The following TTN variants were observed in gnomAD, a reference collection of about 807,000 sequenced individuals.
TTN encodes the protein titin.
Under a neutral mutation model 3,223.0 loss-of-function variants are expected in TTN, and 1,525 were observed. The ratio of observed to expected loss-of-function variants is 0.47; its 90% CI spans 0.45 to 0.49. TTN has a LOEUF of 0.49. TTN is among the 20% of genes least tolerant of loss of function. TTN has a pLI of 0.00. For missense variants in TTN, 40,786 were observed against 43,424.0 expected, an observed-to-expected ratio of 0.94 and a Z score of 5.40; for synonymous variants, 14,094 against 15,161.0, an observed-to-expected ratio of 0.93 and a Z score of 5.17.
At chr2:178,629,207 G>A in intron 240 of TTN, 94 bp downstream of exon 240, 1 of 1,455,540 alleles carries the variant, frequency 6.9e-7, no homozygotes, top group Non-Finnish European at 9.2e-7. Context: ...CAGAGGAAGA[G>A]ACATTAGAAA....
At position 178,534,947 on chromosome 2, in the gene TTN, T is replaced by G. The variant is rs754298968; in HGVS notation, c.101668A>C (p.Met33890Leu). The part of the protein sequence containing the change: ...ESFESMEELV[M>L]IFEFISGLDI... Reference sequence around the variant, plus strand: ...AGTCCTGATATAAACTCAAAGATCATAACTAATTCTTCCATGCTTTCAAAT... The same window carrying G: ...AGTCCTGATATAAACTCAAAGATCAGAACTAATTCTTCCATGCTTTCAAAT... Residue 33890 changes from methionine to leucine, a missense_variant, in exon 358 of 363, where the codon ATG (methionine) becomes CTG (leucine). By Grantham distance (15) the Met-to-Leu change is conservative. Transcript: ENST00000589042. 4 of 1,612,706 alleles carry G rather than the reference T, an allele frequency of 2.5e-6. No individual in the cohort carries two copies. The African/African-American group carries it at 5.3e-5, about 21-fold the overall frequency.
chr2:178,552,316 T>C lies in TTN; in HGVS notation c.90584A>G (p.Lys30195Arg), dbSNP rs1699777024. Reference sequence around the variant, plus strand: ...AGTGTATTTTCCTCCATGCTCCTTCTTGGCATTCTTAATACTCAAAGTAAT... The same window carrying C: ...AGTGTATTTTCCTCCATGCTCCTTCCTGGCATTCTTAATACTCAAAGTAAT... ...NKITLSIKNA[K>R]KEHGGKYTVI... Residue 30195 changes from lysine to arginine, a missense_variant, in exon 335 of 363, where the codon AAG becomes AGG. Physicochemically the swap from Lys to Arg is conservative, Grantham distance 26. Coordinates refer to ENST00000589042, the MANE Select transcript of TTN (RefSeq NM_001267550.2). 1.9e-6 allele frequency: 3 copies of C among 1,610,868 alleles called. No individual in the cohort carries two copies. The highest frequency in any genetic ancestry group is 1.1e-5 in the South Asian group (1 of 90,186).
chr2:178,609,862 A>T lies in TTN; in HGVS notation c.51561T>A (p.Ile17187=). The stretch of plus-strand genomic sequence containing the variant: ...TCTTCCACCTTTCTTCACCCTTAGC[A>T]ATCTTCTCTATGATGTAGCCCATTA... ...SKIMGYIIEK[I]AKGEERWKRC... The change falls in exon 272 of 363, where the codon ATT becomes ATA. Residue 17187 remains isoleucine (I), a synonymous_variant. Transcript: ENST00000589042. The T allele has an allele frequency of 1.2e-6, 2 of 1,612,968 alleles. No individual in the cohort carries two copies. Among genetic ancestry groups the T allele is most frequent in the Non-Finnish European group, 8.5e-7 (1 of 1,179,274 alleles).
At chr2:178,678,023 A>G (rs1264333850) in intron 145 of TTN, 102 bp downstream of exon 145, 2 of 1,555,556 alleles carry the variant, frequency 1.3e-6, no homozygotes, top group Non-Finnish European at 1.7e-6. Context: ...CAAAGCATCA[A>G]TTATTATCAA....
In TTN at chr2:178,561,250, T is replaced by C; in HGVS notation, c.84882A>G (p.Leu28294=). 6.2e-7 allele frequency: 1 copy of C among 1,613,762 alleles called. No individual in the cohort carries two copies. Among genetic ancestry groups the C allele is most frequent in the Non-Finnish European group, 8.5e-7 (1 of 1,179,802 alleles). The change falls in exon 326 of 363, where the codon CTA becomes CTG. Residue 28294 remains leucine (L), a synonymous_variant. Transcript: ENST00000589042. ...ITGYIVERRE[L]PDGRWLKCNY... The stretch of plus-strand genomic sequence containing the variant: ...TGCACTTCAGCCACCGGCCATCTGG[T>C]AGTTCTCTGCGTTCAACAATGTATC...
In TTN at chr2:178,740,294, A is replaced by AT; in HGVS notation, c.12938dup (p.Asn4313LysfsTer11). 6.2e-7 allele frequency: 1 copy of AT among 1,613,620 alleles called. No individual in the cohort carries two copies. The highest frequency in any genetic ancestry group is 8.5e-7 in the Non-Finnish European group (1 of 1,179,788). On this transcript the variant is annotated frameshift_variant, in exon 48 of 363. Coordinates refer to ENST00000589042, the MANE Select transcript of TTN (RefSeq NM_001267550.2). LOFTEE classifies it high-confidence loss of function. ...TTCTGACCGCAGAATCTTGCCCTGCATTTTCCAGTGGATTTGCACTTTCTA... is the reference window on the plus strand; with the variant it reads ...TTCTGACCGCAGAATCTTGCCCTGCATTTTTCCAGTGGATTTGCACTTTCTA...
Position 178,569,559 on chromosome 2 carries a change from C to T in TTN, c.76573G>A (p.Gly25525Ser). The T allele has an allele frequency of 6.2e-7, 1 of 1,613,062 alleles. No homozygotes were observed. ...GGAACAAATAACCTTAAGGAGCCAC[C>T]TGCCCTTATATTTATGATTTTCCTT... ...ELRKIINIRA[G>S]GSLRLFVPIK... Residue 25525 changes from glycine (G) to serine (S), a missense_variant, in exon 326 of 363, where the codon GGT (glycine) becomes AGT (serine). Transcript: ENST00000589042.
Position 178,579,498 on chromosome 2 carries a change from G to A in TTN, c.67636+63C>T, listed in dbSNP as rs374090620. The A allele has an allele frequency of 2.4e-4, 389 of 1,592,662 alleles. 5 individuals carry two copies. The East Asian group carries it at 7.4e-3, about 30-fold the overall frequency. On this transcript the variant is annotated intron_variant, in intron 319 of 362. Coordinates refer to ENST00000589042, the MANE Select transcript of TTN (RefSeq NM_001267550.2). Reference sequence around the variant, plus strand: ...GATTTTTAGATAAGCTAGTGAGTGGGACACAAGAGTGCACTTTCGATGACA... The same window carrying A: ...GATTTTTAGATAAGCTAGTGAGTGGAACACAAGAGTGCACTTTCGATGACA...
Position 178,600,943 on chromosome 2 carries a change from T to A in TTN, c.55961A>T (p.Glu18654Val). 1 of 1,612,992 alleles carries A rather than the reference T, an allele frequency of 6.2e-7. No individual in the cohort carries two copies. The highest frequency in any genetic ancestry group is 8.5e-7 in the Non-Finnish European group (1 of 1,179,296). The change falls in exon 288 of 363, where the codon GAA becomes GTA. Residue 18654 changes from glutamate (E) to valine (V), a missense_variant. By Grantham distance (121) the Glu-to-Val change is moderately radical. Transcript: ENST00000589042. ...GACAGCTTTGACTCGGAATTCATATTCCCCACCCTCTACTAGGTCTTCAAC... is the reference window on the plus strand; with the variant it reads ...GACAGCTTTGACTCGGAATTCATATACCCCACCCTCTACTAGGTCTTCAAC... ...FTVEDLVEGG[E>V]YEFRVKAVNA...
In TTN at chr2:178,565,607, C is replaced by T. The variant is rs1333464688; in HGVS notation, c.80525G>A (p.Gly26842Asp). 3.7e-6 allele frequency: 6 copies of T among 1,613,492 alleles called. No individual in the cohort carries two copies. In the African/African-American group the frequency reaches 6.7e-5, roughly 18 times the overall value. Residue 26842 changes from glycine (G) to aspartate (D), a missense_variant, in exon 326 of 363, where the codon GGT becomes GAT. By Grantham distance (94) the Gly-to-Asp change is moderately conservative (BLOSUM62 -1). Coordinates refer to ENST00000589042, the MANE Select transcript of TTN (RefSeq NM_001267550.2). ...CTGATATTCTTGTCCAGAACTCAAA[C>T]CAGTAACAACTGCATTACAGACTTT... ...ESKVCNAVVTGLSSGQEYQFR... is the reference protein window; with the variant it reads ...ESKVCNAVVTDLSSGQEYQFR...
rs766151652 is a variant in TTN at position 178,611,550 on chromosome 2, T to G, written c.50679A>C (p.Pro16893=). 4 of 1,613,096 alleles carry G rather than the reference T, an allele frequency of 2.5e-6. No homozygotes were observed. The highest frequency in any genetic ancestry group is 3.4e-6 in the Non-Finnish European group (4 of 1,179,328). ...PIIGYHVEMC[P]VGTEKWMRVN... ...CTCTCATCCATTTCTCAGTGCCTAC[T>G]GGACACATTTCAACATGGTATCCTA... The change falls in exon 269 of 363, where the codon CCA becomes CCC. Residue 16893 remains proline, a synonymous_variant. Coordinates refer to ENST00000589042, the MANE Select transcript of TTN (RefSeq NM_001267550.2).
Position 178,544,256 on chromosome 2 carries a change from C to T in TTN, c.95973G>A (p.Lys31991=). 1 of 1,613,820 alleles carries T rather than the reference C, an allele frequency of 6.2e-7. No homozygotes were observed. Among genetic ancestry groups the T allele is most frequent in the Non-Finnish European group, 8.5e-7 (1 of 1,179,746 alleles). ...TTGATTCGCTGTATTCGCTCATACC[C>T]TTCACGTTCACGGCAGCAACTCTGA... ...YSFRVAAVNV[K]GMSEYSESIA... is the part of the protein sequence containing the mutation. The change falls in exon 345 of 363, where the codon AAG becomes AAA. Residue 31991 remains lysine, a synonymous_variant. Transcript: ENST00000589042.
Position 178,634,389 on chromosome 2 carries a change from GTCT to G in TTN, c.42389_42391del (p.Lys14130del), listed in dbSNP as rs2060165444. 1.6e-5 allele frequency: 25 copies of G among 1,609,096 alleles called. No homozygotes were observed. Among genetic ancestry groups the G allele is most frequent in the Non-Finnish European group, 2.1e-5 (25 of 1,178,664 alleles). On this transcript the variant is annotated inframe_deletion, in exon 230 of 363. Transcript: ENST00000589042. The surrounding 1 kb of genome is among the most constrained non-coding windows in gnomAD (Gnocchi z 4.6). The stretch of plus-strand genomic sequence containing the variant: ...ACCTGTGACAAACAACCGAGCTGAG[GTCT>G]TCTTGCCCTCCACCTCAGCAGTATA...
chr2:178,542,558 G>C lies in TTN; in HGVS notation c.97198C>G (p.Pro32400Ala), dbSNP rs373876117. The C allele has an allele frequency of 4.4e-6, 7 of 1,600,314 alleles. No homozygotes were observed. Among genetic ancestry groups the C allele is most frequent in the Non-Finnish European group, 6.0e-6 (7 of 1,170,480 alleles). Residue 32400 changes from proline to alanine, a missense_variant, in exon 349 of 363, where the codon CCT (proline) becomes GCT (alanine). Transcript: ENST00000589042. ...TTAATAGGTCCTGTTGGTGGACCAG[G>C]CTTGTCTATGAAAGAGAAGAAATAC... ...ETIKVIILDK[P>A]GPPTGPIKID...
intron 112 of TTN, 40 bp downstream of exon 112, chr2:178,698,803 G>A: frequency 6.6e-7 from 1 of 1,522,142 alleles, no homozygotes; most frequent in Non-Finnish European, 8.8e-7. Context: ...TTTTGGCCAA[G>A]AAAAAAGTGT....
chr2:178,689,529 G>T lies in TTN; in HGVS notation c.31913C>A (p.Ser10638Tyr), dbSNP rs766615036. The T allele has an allele frequency of 1.9e-6, 3 of 1,609,896 alleles. No homozygotes were observed. Among genetic ancestry groups the T allele is most frequent in the East Asian group, 2.2e-5 (1 of 44,846 alleles). The change falls in exon 123 of 363, where the codon TCT becomes TAT. Residue 10638 changes from serine (S) to tyrosine (Y), a missense_variant. Coordinates refer to ENST00000589042, the MANE Select transcript of TTN (RefSeq NM_001267550.2). ...GGATTAAGTACCTGCTGGTGGTGGA[G>T]ATTCCTCTCTTTGAGTTACAATGGT... ...KITIVTQREE[S>Y]PPPAVPEIPK...
intron 226 of TTN, 119 bp from the exon 227 acceptor site, chr2:178,635,834 G>T: frequency 6.6e-7 from 1 of 1,506,032 alleles, no homozygotes; most frequent in Non-Finnish European, 8.9e-7. Flanking sequence ...TTAATCCACT[G>T]TAGGATATAT....
rs2050835424 is a variant in TTN at position 178,593,950 on chromosome 2, A to C, written c.58432+11T>G. Reference sequence around the variant, plus strand: ...ACAGAAGATCTATTCTTTCCACTAAATAAGACTTACCAACAACATTAACTT... The same window carrying C: ...ACAGAAGATCTATTCTTTCCACTAACTAAGACTTACCAACAACATTAACTT... On this transcript the variant is annotated intron_variant, in intron 297 of 362. Coordinates refer to ENST00000589042, the MANE Select transcript of TTN (RefSeq NM_001267550.2). 3 of 1,612,926 alleles carry C rather than the reference A, an allele frequency of 1.9e-6. No individual in the cohort carries two copies. Among genetic ancestry groups the C allele is most frequent in the Non-Finnish European group, 2.5e-6 (3 of 1,179,556 alleles).
intron 58 of TTN, 35 bp from the exon 59 acceptor site, chr2:178,731,618 C>G (rs376443284): frequency 4.4e-6 from 7 of 1,573,712 alleles, no homozygotes; most frequent in Non-Finnish European, 4.3e-6. Context: ...CAATATTATC[C>G]CTATAGCAAA....
Sources: allele counts gnomAD v4.1 joint callset, GRCh38; gene constraint gnomAD v4.1.1; non-coding constraint Gnocchi (gnomAD v3.1); transcripts MANE v1.5; gene names NCBI Gene and HGNC (gene_info 2026-07-23, HGNC 2026-07-21).